The following KIF18A variants were observed in gnomAD, a reference collection of about 807,000 sequenced individuals.
KIF18A encodes kinesin-like protein KIF18A.
In KIF18A, 67 loss-of-function variants were observed where a neutral mutation model predicts 103.3. The ratio of observed to expected loss-of-function variants is 0.65; its 90% CI spans 0.53 to 0.79. The LOEUF is 0.79. Among genes scored for constraint, KIF18A ranks in the 30% least tolerant of loss-of-function variants. KIF18A has a pLI of 0.00. For synonymous variants in KIF18A, 367 were observed against 355.5 expected (o/e 1.03, Z -0.36); for missense variants, 1,032 against 1,062.5 (o/e 0.97, Z 0.40).
chr11:28,091,336 T>G, intron 4 of KIF18A, 73 bp downstream of exon 4: 1 of 748,532 alleles, frequency 1.3e-6, no homozygotes, highest in Non-Finnish European at 2.3e-6. Context: ...GGAAAGTAAG[T>G]GCATGGCTGG....
chr11:28,031,032 A>G (rs1850395089), intron 15 of KIF18A, among the ~76,000 whole-genome samples: 1 of 151,604 alleles, frequency 6.6e-6, no homozygotes, highest in African/African-American at 2.4e-5. Flanking sequence ...TCAGGAAACA[A>G]CAGGTGCTGG....
intron 9 of KIF18A, 144 bp downstream of exon 9, chr11:28,082,712 G>C: frequency 3.8e-6 from 2 of 525,648 alleles, no homozygotes; most frequent in South Asian, 5.7e-5. Flanking sequence ...ATGTATGTAT[G>C]TATGTATGTG....
At chr11:28,102,080 T>C (rs1851452572) in intron 1 of KIF18A, among the ~76,000 whole-genome samples, 1 of 152,182 alleles carries the variant, frequency 6.6e-6, no homozygotes, top group Admixed American at 6.5e-5. Context: ...AAGTTTCTTG[T>C]TGGAAAAGTC....
chr11:28,041,118 A>C (rs1850553384), intron 13 of KIF18A, among the ~76,000 whole-genome samples: 1 of 151,816 alleles, frequency 6.6e-6, no homozygotes, highest in Non-Finnish European at 1.5e-5. Flanking sequence ...AATATTTATT[A>C]AGTACCTACC....
rs548038100 is a variant in KIF18A, at chr11:28,072,007, A to C, written c.1426-2584T>G. ...GTCCATTTATGACTTTTTACTTCTA[A>C]TGTCCATCAAATGTATCCTCTGTGA... On this transcript the variant is annotated intron_variant, in intron 10 of 16. Coordinates refer to ENST00000263181, the MANE Select transcript of KIF18A (RefSeq NM_031217.4). Among the ~76,000 whole-genome samples, 3 of 152,208 alleles carry C rather than the reference A, an allele frequency of 2.0e-5. No homozygotes were observed. The East Asian group carries it at 5.8e-4, about 29-fold the overall frequency.
At chr11:28,107,368 T>G (rs1191063450) in intron 1 of KIF18A, among the ~76,000 whole-genome samples, 3 of 150,350 alleles carry the variant, frequency 2.0e-5, no homozygotes, top group Non-Finnish European at 3.0e-5. Flanking sequence ...GAGTGACTAA[T>G]GAGCTCCTAA....
At chr11:28,102,049 A>T (rs960990668) in intron 1 of KIF18A, among the ~76,000 whole-genome samples, 1 of 152,198 alleles carries the variant, frequency 6.6e-6, no homozygotes, top group African/African-American at 2.4e-5. Flanking sequence ...TTTACTTGCC[A>T]AGCCTTGAAA....
intron 10 of KIF18A, among the ~76,000 whole-genome samples, chr11:28,072,483 A>T (rs923687713): frequency 2.0e-5 from 3 of 152,196 alleles, no homozygotes; most frequent in Non-Finnish European, 1.5e-5. Flanking sequence ...AATCCAAAAC[A>T]TAAAATTCCT....
intron 13 of KIF18A, among the ~76,000 whole-genome samples, chr11:28,041,370 A>G (rs1850557725): frequency 6.6e-6 from 1 of 151,738 alleles, no homozygotes; most frequent in African/African-American, 2.4e-5. Context: ...AGGCAGTTCT[A>G]TGAAGATCTG....
intron 15 of KIF18A, among the ~76,000 whole-genome samples, chr11:28,028,846 T>C (rs1361559908): frequency 5.3e-5 from 8 of 151,896 alleles, no homozygotes; most frequent in Non-Finnish European, 1.2e-4. Context: ...ATAAAGGGGA[T>C]ATCACCACCG....
intron 13 of KIF18A, among the ~76,000 whole-genome samples, chr11:28,056,007 A>C (rs181361254): frequency 1.3e-5 from 2 of 152,222 alleles, no homozygotes; most frequent in Admixed American, 6.5e-5. Context: ...ATTTGCACAC[A>C]ACCTATACAA....
intron 11 of KIF18A, among the ~76,000 whole-genome samples, chr11:28,066,782 AATTATATTATATTATATTATATTAT>A (rs11273276): frequency 7.0e-5 from 10 of 142,446 alleles, no homozygotes; most frequent in Non-Finnish European, 1.1e-4. Context: ...CTGGAAGAGA[AATTATATTATATTATATTATATTAT>A]ATTATATTAT....
At chr11:28,104,695 C>T (rs1487087893) in intron 1 of KIF18A, among the ~76,000 whole-genome samples, 1 of 152,138 alleles carries the variant, frequency 6.6e-6, no homozygotes, top group Non-Finnish European at 1.5e-5. Context: ...AGAATGTAAG[C>T]ACTGTGAGAG....
intron 2 of KIF18A, chr11:28,097,256 C>T (rs1851387792): frequency 5.8e-6 from 1 of 173,128 alleles, no homozygotes; most frequent in African/African-American, 2.4e-5. Context: ...AAATGTCTGA[C>T]TACTCTCCAG....
Position 28,021,279 on chromosome 11 carries a change from T to C in KIF18A, c.2618A>G (p.His873Arg). Reference sequence around the variant, plus strand: ...ATTTATTTTACAGATGTTTCTTTTATGTTCTAGAGAAGAAATAAAAAGATG... The same window carrying C: ...ATTTATTTTACAGATGTTTCTTTTACGTTCTAGAGAAGAAATAAAAAGATG... ...HLQENKPTME[H>R]KRNICKINPS... The change falls in exon 17 of 17, where the codon CAT (histidine) becomes CGT (arginine). Residue 873 changes from histidine (H) to arginine (R), a missense_variant. Physicochemically the swap from His to Arg is conservative, Grantham distance 29. Coordinates refer to ENST00000263181, the MANE Select transcript of KIF18A (RefSeq NM_031217.4). The C allele has an allele frequency of 6.9e-7, 1 of 1,446,826 alleles. No individual in the cohort carries two copies. Among genetic ancestry groups the C allele is most frequent in the Non-Finnish European group, 9.2e-7 (1 of 1,090,010 alleles). The allele number at this position is 1,446,826 out of a possible 1,614,324, so 89.6% of individuals were successfully genotyped here.
chr11:28,077,477 T>G (rs1851109323), intron 9 of KIF18A, among the ~76,000 whole-genome samples: 1 of 152,214 alleles, frequency 6.6e-6, no homozygotes, highest in Admixed American at 6.5e-5. Flanking sequence ...TACATCTATA[T>G]GTAATCCTAT....
In KIF18A at chr11:28,082,866, CT is replaced by C; in HGVS notation, c.1251del (p.Glu418LysfsTer9). The C allele has an allele frequency of 6.3e-7, 1 of 1,582,694 alleles. No homozygotes were observed. The highest frequency in any genetic ancestry group is 8.6e-7 in the Non-Finnish European group (1 of 1,158,880). On this transcript the variant is annotated frameshift_variant, in exon 9 of 17. Transcript: ENST00000263181. LOFTEE classifies it high-confidence loss of function. The stretch of plus-strand genomic sequence containing the variant: ...TAATGTAATGTTTACCTTTCGATTT[CT>C]TTTTCCTGAGGGTTTGAAATCATTA... ...AKLMISNPQEKEIERFQEILN... is the reference protein window; with the variant it reads ...AKLMISNPQEXEIERFQEILN...
intron 13 of KIF18A, among the ~76,000 whole-genome samples, chr11:28,037,914 C>T (rs1275397614): frequency 6.6e-6 from 1 of 151,432 alleles, no homozygotes; most frequent in Admixed American, 6.6e-5. Context: ...GTACTTGACC[C>T]TCTAGTTGCC....
intron 15 of KIF18A, among the ~76,000 whole-genome samples, chr11:28,030,558 G>A (rs1185956570): frequency 6.6e-6 from 1 of 152,080 alleles, no homozygotes; most frequent in Non-Finnish European, 1.5e-5. Context: ...TTAAATGTTA[G>A]AGCTAAAACC....
Sources: gnomAD v4.1 joint callset for allele counts (sites outside exome capture counted in the v4.1 genomes callset) on GRCh38, gnomAD v4.1.1 for gene constraint, MANE v1.5 for transcripts, NCBI Gene and HGNC (gene_info 2026-07-23, HGNC 2026-07-21) for gene names.